Variants in CPEB3 observed in about 807,000 individuals in gnomAD.
CPEB3 encodes the protein cytoplasmic polyadenylation element-binding protein 3.
In CPEB3, 20 loss-of-function variants were observed where a neutral mutation model predicts 67.2. The observed-to-expected ratio is 0.30, with a 90% CI of 0.21 to 0.43. The LOEUF is 0.43. Ranked by LOEUF, CPEB3 falls within the 20% of genes least tolerant of loss-of-function variation. The pLI is 1.00. For missense variants in CPEB3, 746 were observed against 968.6 expected (o/e 0.77, Z 3.05); for synonymous variants, 376 against 393.1 (o/e 0.96, Z 0.51).
intron 4 of CPEB3, among the ~76,000 whole-genome samples, chr10:92,172,458 A>C (rs1000909006): frequency 1.3e-4 from 20 of 152,228 alleles, no homozygotes; most frequent in Non-Finnish European, 2.9e-5. Flanking sequence ...CTCCACAATC[A>C]ATAAAGTATC....
chr10:92,089,160 C>A (rs1843504060), intron 8 of CPEB3, among the ~76,000 whole-genome samples: 1 of 152,152 alleles, frequency 6.6e-6, no homozygotes, highest in Non-Finnish European at 1.5e-5. Flanking sequence ...ACAATGAATT[C>A]CTTTAAAAAA....
At chr10:92,091,992 C>T (rs780119787) in intron 7 of CPEB3, 48 bp from the exon 8 acceptor site, 7 of 1,113,592 alleles carry the variant, frequency 6.3e-6, no homozygotes, top group Middle Eastern at 2.0e-4. Flanking sequence ...CCATCAACCC[C>T]AAATGAGAAT....
In CPEB3 at chr10:92,278,947, T is replaced by C. The variant is rs533678629; in HGVS notation, c.-12+11979A>G. Among the ~76,000 whole-genome samples, 33 of 152,198 alleles carry C rather than the reference T, an allele frequency of 2.2e-4. No homozygotes were observed. In the South Asian group the frequency reaches 6.6e-3, roughly 31 times the overall value. The stretch of plus-strand genomic sequence containing the variant: ...TTTTTATTATTTTTTTTTTTATTCT[T>C]GGAATTTTCTAAATACAAGATCATT... On this transcript the variant is annotated intron_variant, in intron 1 of 9. Coordinates refer to ENST00000265997, the MANE Select transcript of CPEB3 (RefSeq NM_014912.5).
intron 6 of CPEB3, among the ~76,000 whole-genome samples, chr10:92,123,489 C>T (rs554337543): frequency 9.2e-5 from 14 of 152,346 alleles, no homozygotes; most frequent in African/African-American, 2.9e-4. Context: ...AACAACCCAA[C>T]GAGTAGTATT....
intron 6 of CPEB3, among the ~76,000 whole-genome samples, chr10:92,112,336 G>C (rs1423183136): frequency 6.6e-6 from 1 of 151,810 alleles, no homozygotes; most frequent in Non-Finnish European, 1.5e-5. Context: ...GTAGAGACAG[G>C]GTTTCACCAT....
chr10:92,188,853 A>G (rs556938464), intron 3 of CPEB3, among the ~76,000 whole-genome samples: 1 of 152,352 alleles, frequency 6.6e-6, no homozygotes, highest in South Asian at 2.1e-4. Flanking sequence ...TTTATTCTAT[A>G]TAATTTTTAT....
chr10:92,261,559 T>C (rs2134896914), intron 1 of CPEB3, among the ~76,000 whole-genome samples: 1 of 152,288 alleles, frequency 6.6e-6, no homozygotes, highest in Middle Eastern at 3.4e-3. Flanking sequence ...GGAATTCTTC[T>C]GCCTCAGCCT....
At chr10:92,154,475 T>C (rs946204709) in intron 4 of CPEB3, among the ~76,000 whole-genome samples, 3 of 152,240 alleles carry the variant, frequency 2.0e-5, no homozygotes, top group Admixed American at 2.0e-4. Flanking sequence ...CTACCTTCAA[T>C]GTCCTCATCC....
At chr10:92,099,065 C>G (rs897760000) in intron 7 of CPEB3, among the ~76,000 whole-genome samples, 1 of 151,982 alleles carries the variant, frequency 6.6e-6, no homozygotes, top group Non-Finnish European at 1.5e-5. Context: ...AGCCACCATG[C>G]CTAGCCCAGT....
chr10:92,286,884 T>C (rs1842554632), intron 1 of CPEB3, among the ~76,000 whole-genome samples: 1 of 152,196 alleles, frequency 6.6e-6, no homozygotes. Context: ...TTCTGACATA[T>C]TTAGAGCAGC....
chr10:92,263,728 G>A (rs1446785489), intron 1 of CPEB3, among the ~76,000 whole-genome samples: 1 of 152,126 alleles, frequency 6.6e-6, no homozygotes, highest in Non-Finnish European at 1.5e-5. Flanking sequence ...GTCTTGTTAT[G>A]TTGCCCAGGC....
chr10:92,287,505 G>A (rs1420968457), intron 1 of CPEB3, among the ~76,000 whole-genome samples: 1 of 152,052 alleles, frequency 6.6e-6, no homozygotes, highest in Non-Finnish European at 1.5e-5. Context: ...TCAAATGTTA[G>A]GATTAATTTA....
chr10:92,178,901 T>C (rs927375290), intron 4 of CPEB3, among the ~76,000 whole-genome samples: 1 of 152,078 alleles, frequency 6.6e-6, no homozygotes, highest in Non-Finnish European at 1.5e-5. Context: ...GGAGTCAACT[T>C]TGAAAGAAAA....
intron 6 of CPEB3, among the ~76,000 whole-genome samples, chr10:92,125,572 C>T (rs1313873667): frequency 2.0e-5 from 3 of 152,146 alleles, no homozygotes; most frequent in Admixed American, 6.5e-5. Context: ...GGTGGACAGG[C>T]ATTTTTTGGT....
chr10:92,101,516 T>G (rs947424146), intron 7 of CPEB3, among the ~76,000 whole-genome samples: 1 of 152,120 alleles, frequency 6.6e-6, no homozygotes, highest in Non-Finnish European at 1.5e-5. Flanking sequence ...TCAGTTGTAG[T>G]GGTGATGAAC....
intron 4 of CPEB3, among the ~76,000 whole-genome samples, chr10:92,150,858 G>A (rs1399281351): frequency 6.6e-6 from 1 of 152,030 alleles, no homozygotes; most frequent in Non-Finnish European, 1.5e-5. Flanking sequence ...ACCTGCTTTA[G>A]AACACCATGA....
At chr10:92,266,660 A>T (rs574942980) in intron 1 of CPEB3, among the ~76,000 whole-genome samples, 1 of 151,814 alleles carries the variant, frequency 6.6e-6, no homozygotes, top group East Asian at 1.9e-4. Context: ...AACAAAAATT[A>T]AAAAAAAATC....
At chr10:92,054,319 C>T (rs1420667585) in intron 9 of CPEB3, among the ~76,000 whole-genome samples, 2 of 151,888 alleles carry the variant, frequency 1.3e-5, no homozygotes, top group Non-Finnish European at 2.9e-5. Context: ...CATATTTACT[C>T]GTAGTCAGGA....
intron 3 of CPEB3, among the ~76,000 whole-genome samples, chr10:92,186,526 G>A (rs1476614333): frequency 6.6e-6 from 1 of 151,338 alleles, no homozygotes; most frequent in African/African-American, 2.4e-5. Context: ...GCTCCACCTC[G>A]TGGGTTCAAG....
Sources: gnomAD v4.1 joint callset for allele counts (sites outside exome capture counted in the v4.1 genomes callset) on GRCh38, gnomAD v4.1.1 for gene constraint, MANE v1.5 for transcripts, NCBI Gene and HGNC (gene_info 2026-07-23, HGNC 2026-07-21) for gene names.